The following ADCY2 variants were observed in gnomAD, a reference collection of about 807,000 sequenced individuals.
ADCY2 encodes the protein adenylate cyclase 2.
In ADCY2, 31 loss-of-function variants were observed where a neutral mutation model predicts 125.2. The ratio of observed to expected loss-of-function variants is 0.25; its 90% CI spans 0.19 to 0.33. ADCY2 has a LOEUF of 0.33. Ranked by LOEUF, ADCY2 falls within the 10% of genes least tolerant of loss-of-function variation. ADCY2 has a pLI of 1.00. For synonymous variants in ADCY2, 512 were observed against 548.4 expected (o/e 0.93, Z 0.93); for missense variants, 904 against 1,418.2 (o/e 0.64, Z 5.82).
In ADCY2 at chr5:7,396,376, C is replaced by G. The variant is rs758658597; in HGVS notation, c.80C>G (p.Pro27Arg). Residue 27 changes from proline to arginine, a missense_variant, in exon 1 of 25, where the codon CCG (proline) becomes CGG (arginine). Pro to Arg is a moderately radical substitution (Grantham distance 103, BLOSUM62 -2). Transcript: ENST00000338316. This position sits in a 1 kb window ranked among gnomAD's most constrained non-coding sequence, Gnocchi z 5.7. ...GCGGCGGGCGGCGGAGACGGGCTGC[C>G]GCGGTCCCGGGACTGGCTCTACGAG... ...EEAAGGGDGL[P>R]RSRDWLYESY... The G allele has an allele frequency of 6.4e-7, 1 of 1,558,426 alleles. No homozygotes were observed. Among genetic ancestry groups the G allele is most frequent in the South Asian group, 1.2e-5 (1 of 86,562 alleles).
chr5:7,739,700 C>T (rs757255707), intron 14 of ADCY2, among the ~76,000 whole-genome samples: 1 of 151,648 alleles, frequency 6.6e-6, no homozygotes, highest in Non-Finnish European at 1.5e-5. Flanking sequence ...AGAAAAATCA[C>T]AAAGCACCCA....
At chr5:7,602,720 G>A (rs750681201) in intron 3 of ADCY2, among the ~76,000 whole-genome samples, 21 of 152,116 alleles carry the variant, frequency 1.4e-4, no homozygotes, top group Non-Finnish European at 2.9e-4. Flanking sequence ...TTTGTAGGTG[G>A]TCTCAATTTA....
chr5:7,559,234 GA>G (rs1735631284), intron 3 of ADCY2, among the ~76,000 whole-genome samples: 1 of 152,050 alleles, frequency 6.6e-6, no homozygotes, highest in African/African-American at 2.4e-5. Flanking sequence ...AGTTTAACTG[GA>G]ATAGCAATGA....
intron 4 of ADCY2, among the ~76,000 whole-genome samples, chr5:7,629,852 C>T (rs1294605548): frequency 6.6e-6 from 1 of 152,096 alleles, no homozygotes; most frequent in Non-Finnish European, 1.5e-5. Context: ...GGATTCACAG[C>T]AAAATAAGAA....
At chr5:7,550,242 CT>C (rs1471689135) in intron 3 of ADCY2, among the ~76,000 whole-genome samples, 1 of 152,098 alleles carries the variant, frequency 6.6e-6, no homozygotes, top group Non-Finnish European at 1.5e-5. Flanking sequence ...TGATGAAGAA[CT>C]TTTTTTAAAG....
At chr5:7,641,646 G>A (rs959413709) in intron 4 of ADCY2, among the ~76,000 whole-genome samples, 2 of 152,144 alleles carry the variant, frequency 1.3e-5, no homozygotes, top group African/African-American at 4.8e-5. Context: ...GCACACAACA[G>A]TTTTTCAACT....
intron 6 of ADCY2, 151 bp from the exon 7 acceptor site, chr5:7,698,096 A>C: frequency 1.2e-6 from 1 of 846,926 alleles, no homozygotes; most frequent in Non-Finnish European, 1.8e-6. Flanking sequence ...ATTCTGGTTG[A>C]GTAATGAAGG....
In ADCY2 at chr5:7,709,149, C is replaced by T. The variant is rs919351338; in HGVS notation, c.1402-62C>T. 76 of 1,460,524 alleles carry T rather than the reference C, an allele frequency of 5.2e-5. No individual in the cohort carries two copies. Among genetic ancestry groups the T allele is most frequent in the Non-Finnish European group, 6.6e-5 (73 of 1,099,448 alleles). 90.5% of individuals were successfully genotyped at this position (1,460,524 alleles called of 1,614,324 possible). ...TGACCCTAGTCCAATGAGGTCGATG[C>T]CAAAAGGATCATGTGTGGCCCTGTG... On this transcript the variant is annotated intron_variant, in intron 9 of 24. Transcript: ENST00000338316. The surrounding 1 kb of genome is among the most constrained non-coding windows in gnomAD (Gnocchi z 4.4).
chr5:7,424,115 C>T (rs879732749), intron 2 of ADCY2, among the ~76,000 whole-genome samples: 10 of 152,212 alleles, frequency 6.6e-5, no homozygotes, highest in Non-Finnish European at 1.0e-4. Context: ...TTGCTTGCTG[C>T]TCTGTTCCCA....
rs75538202 is a variant in ADCY2, at chr5:7,549,160, G to C, written c.570+28261G>C. Among the ~76,000 whole-genome samples, 133 of 152,304 alleles carry C rather than the reference G, an allele frequency of 8.7e-4. No individual in the cohort carries two copies. In the East Asian group the frequency reaches 0.019, roughly 22 times the overall value. On this transcript the variant is annotated intron_variant, in intron 3 of 24. Transcript: ENST00000338316. The stretch of plus-strand genomic sequence containing the variant: ...TGGCATATGAAGCAGGAGTGGTGAG[G>C]TGATGCTGCTGTAACAAATGACCCT...
rs1258299057 is a variant in ADCY2, at chr5:7,706,577, G to GA, written c.1110-163dup. 2.0e-5 allele frequency among the ~76,000 whole-genome samples: 3 copies of GA among 152,212 alleles called. No homozygotes were observed. The East Asian group carries it at 5.8e-4, about 29-fold the overall frequency. On this transcript the variant is annotated intron_variant, in intron 7 of 24. Coordinates refer to ENST00000338316, the MANE Select transcript of ADCY2 (RefSeq NM_020546.3). Reference sequence around the variant, plus strand: ...TGGTCTAATCTGGAGTGACTGGAAGGAAAATCCCTTCTTAGCTCAGAGGAG... The same window carrying GA: ...TGGTCTAATCTGGAGTGACTGGAAGGAAAAATCCCTTCTTAGCTCAGAGGAG...
intron 14 of ADCY2, among the ~76,000 whole-genome samples, chr5:7,736,459 CAGAT>C (rs1341572571): frequency 6.6e-6 from 1 of 152,216 alleles, no homozygotes; most frequent in East Asian, 1.9e-4. Context: ...AAATCAAAAA[CAGAT>C]AGTCAGCTCT....
chr5:7,765,964 A>G (rs1047533611), intron 16 of ADCY2, among the ~76,000 whole-genome samples: 1 of 152,190 alleles, frequency 6.6e-6, no homozygotes, highest in Non-Finnish European at 1.5e-5. Context: ...GATGAGAGAG[A>G]GAAAAAGAGA....
At chr5:7,717,395 T>C (rs959778715) in intron 12 of ADCY2, among the ~76,000 whole-genome samples, 158 bp downstream of exon 12, 4 of 152,210 alleles carry the variant, frequency 2.6e-5, no homozygotes, top group Non-Finnish European at 5.9e-5. Context: ...TTGTTAAAAG[T>C]ATTTATTTCA....
chr5:7,442,560 G>C (rs1301868866), intron 2 of ADCY2, among the ~76,000 whole-genome samples: 2 of 152,160 alleles, frequency 1.3e-5, no homozygotes, highest in African/African-American at 4.8e-5. Context: ...AGATAGATCA[G>C]TGGACTCAGA....
chr5:7,611,180 G>A (rs1170851773), intron 3 of ADCY2: 2 of 152,166 alleles, frequency 1.3e-5, no homozygotes, highest in Non-Finnish European at 2.9e-5. Flanking sequence ...TAAACTGTAG[G>A]TAAACTCTTT....
At chr5:7,399,361 G>A (rs962078240) in intron 1 of ADCY2, among the ~76,000 whole-genome samples, 1 of 152,164 alleles carries the variant, frequency 6.6e-6, no homozygotes, top group Non-Finnish European at 1.5e-5. Flanking sequence ...CTTTGTAGAA[G>A]TGATTTGGAA....
chr5:7,548,610 A>G (rs942133465), intron 3 of ADCY2, among the ~76,000 whole-genome samples: 11 of 152,324 alleles, frequency 7.2e-5, no homozygotes, highest in African/African-American at 1.9e-4. Flanking sequence ...TGTCCCTTCA[A>G]GAATAAGCTA....
Position 7,802,250 on chromosome 5 carries a change from C to T in ADCY2, c.2661C>T (p.Cys887=), listed in dbSNP as rs2290910. Residue 887 remains cysteine, a synonymous_variant, in exon 21 of 25, where the codon TGC becomes TGT. Coordinates refer to ENST00000338316, the MANE Select transcript of ADCY2 (RefSeq NM_020546.3). The surrounding 1 kb of genome is among the most constrained non-coding windows in gnomAD (Gnocchi z 4.6). The part of the protein sequence containing the change: ...ELYHQSYDCV[C]VMFASIPDFK... The stretch of plus-strand genomic sequence containing the variant: ...ACCACCAGTCCTATGACTGCGTCTG[C>T]GTCATGTTTGCCTCCATTCCGGATT... 0.26 allele frequency: 420,535 copies of T among 1,613,566 alleles called. 57,709 individuals are homozygous for T. The highest frequency in any genetic ancestry group is 0.47 in the Admixed American group (28,174 of 59,982).
Sources: allele counts gnomAD v4.1 joint callset (sites outside exome capture counted in the v4.1 genomes callset), GRCh38; gene constraint gnomAD v4.1.1; non-coding constraint Gnocchi (gnomAD v3.1); transcripts MANE v1.5; gene names NCBI Gene and HGNC (gene_info 2026-07-23, HGNC 2026-07-21).